Variants in MEGF8 observed in about 807,000 individuals in gnomAD.
MEGF8 encodes the protein multiple EGF like domains 8.
MEGF8 carries 156 observed loss-of-function variants against 302.9 expected under a neutral mutation model. That is an observed-to-expected ratio of 0.52 (90% confidence interval 0.45 to 0.59). The LOEUF (loss-of-function observed/expected upper bound fraction) is 0.59, where lower values mean the gene tolerates loss of function less well. Among genes scored for constraint, MEGF8 ranks in the 20% least tolerant of loss-of-function variants. MEGF8 has a pLI of 0.00. For synonymous variants in MEGF8, 1,621 were observed against 1,660.5 expected, an observed-to-expected ratio of 0.98 and a Z score of 0.58; for missense variants, 3,345 against 3,964.5, an observed-to-expected ratio of 0.84 and a Z score of 4.20.
rs142473307 is a variant in MEGF8 at position 42,353,859 on chromosome 19, C to T, written c.3846C>T (p.Val1282=). The T allele has an allele frequency of 3.6e-5, 57 of 1,603,628 alleles. No homozygotes were observed. Among genetic ancestry groups the T allele is most frequent in the Admixed American group, 3.3e-4 (19 of 58,224 alleles). The change falls in exon 22 of 42, where the codon GTC becomes GTT. Residue 1282 remains valine (V), a synonymous_variant. Transcript: ENST00000251268. This position sits in a 1 kb window ranked among gnomAD's most constrained non-coding sequence, Gnocchi z 6.1. ...CAGTGGCACTGGGCTCACGCCGGGTCGGGGGGCTGCTGCCTCCAGGTGGCG... is the reference window on the plus strand; with the variant it reads ...CAGTGGCACTGGGCTCACGCCGGGTTGGGGGGCTGCTGCCTCCAGGTGGCG... ...VSSVALGSRR[V]GGLLPPGGGA...
chr19:42,356,738 CTG>C lies in MEGF8; in HGVS notation c.4623-34_4623-33del. On this transcript the variant is annotated intron_variant, in intron 26 of 41. Coordinates refer to ENST00000251268, the MANE Select transcript of MEGF8 (RefSeq NM_001271938.2). The surrounding 1 kb of genome is among the most constrained non-coding windows in gnomAD (Gnocchi z 5.2). ...GTCACCTTGAAGGATGCTGGGATGACTGTAATGAGGCTGCTTTTTTGCACCCT... is the reference window on the plus strand; with the variant it reads ...GTCACCTTGAAGGATGCTGGGATGACTAATGAGGCTGCTTTTTTGCACCCT... The C allele has an allele frequency of 2.0e-6, 3 of 1,521,550 alleles. No homozygotes were observed. Among genetic ancestry groups the C allele is most frequent in the Non-Finnish European group, 2.7e-6 (3 of 1,129,610 alleles). The allele number at this position is 1,521,550 out of a possible 1,614,324, so 94.3% of individuals were successfully genotyped here.
intron 35 of MEGF8, among the ~76,000 whole-genome samples, chr19:42,366,735 A>G (rs1478793263): frequency 6.6e-6 from 1 of 152,192 alleles, no homozygotes; most frequent in African/African-American, 2.4e-5. Context: ...CAGGAAATGC[A>G]GTGTATGGTG....
At chr19:42,335,615 CTG>C (rs1442483705) in intron 5 of MEGF8, among the ~76,000 whole-genome samples, 1 of 152,158 alleles carries the variant, frequency 6.6e-6, no homozygotes, top group Non-Finnish European at 1.5e-5. Flanking sequence ...GTTGCTCAAT[CTG>C]TCTCTGTTTT....
In MEGF8 at chr19:42,326,133, G is replaced by A. The variant is rs1188986116; in HGVS notation, c.-111G>A. On this transcript the variant is annotated 5_prime_UTR_variant, in exon 1 of 42. Transcript: ENST00000251268. ...CTCCGGGACCTCTTCGATCTACAAG[G>A]TCATGTTATGCCTATAGAGGTCGCA... 5 of 1,371,766 alleles carry A rather than the reference G, an allele frequency of 3.6e-6. No individual in the cohort carries two copies. Among genetic ancestry groups the A allele is most frequent in the Admixed American group, 4.1e-5 (1 of 24,632 alleles). 85.0% of individuals were successfully genotyped at this position (1,371,766 alleles called of 1,614,324 possible).
At position 42,377,046 on chromosome 19, in the gene MEGF8, G is replaced by A; in HGVS notation, c.*271G>A. The A allele has an allele frequency of 2.4e-6, 1 of 420,314 alleles. No individual in the cohort carries two copies. Among genetic ancestry groups the A allele is most frequent in the Non-Finnish European group, 4.2e-6 (1 of 239,206 alleles). The allele number at this position is 420,314 out of a possible 1,614,324, so 26.0% of individuals were successfully genotyped here. A position where few individuals can be genotyped will look rare whatever the true frequency, so the allele number is the denominator to read the frequency against. ...TCATGGGACTTAGGTTCTGGTGAAG[G>A]GAGACAATCAGTGCACATGCACACA... is the stretch of plus-strand genomic sequence containing the variant. On this transcript the variant is annotated 3_prime_UTR_variant, in exon 42 of 42. Coordinates refer to ENST00000251268, the MANE Select transcript of MEGF8 (RefSeq NM_001271938.2).
rs1021116455 is a variant in MEGF8 at position 42,343,665 on chromosome 19, G to T, written c.1668+34G>T. On this transcript the variant is annotated intron_variant, in intron 9 of 41. Transcript: ENST00000251268. ...TGGGGTGACAGGGAAAGGGTGGCTG[G>T]GGGGAGGAGGTAGCAGGGTTTCCAC... The T allele has an allele frequency of 3.2e-6, 5 of 1,568,304 alleles. No homozygotes were observed. The South Asian group carries it at 3.5e-5, about 11-fold the overall frequency.
chr19:42,360,666 C>T (rs913293861), intron 31 of MEGF8, 109 bp from the exon 32 acceptor site: 2 of 1,510,644 alleles, frequency 1.3e-6, no homozygotes, highest in Non-Finnish European at 8.8e-7. Flanking sequence ...GTCCTTTGAC[C>T]CTGTGTTTCT....
chr19:42,335,154 T>C lies in MEGF8; in HGVS notation c.678T>C (p.Ser226=), dbSNP rs373385185. 1.5e-5 allele frequency: 24 copies of C among 1,613,850 alleles called. No individual in the cohort carries two copies. In the African/African-American group the frequency reaches 2.5e-4, roughly 17 times the overall value. The change falls in exon 4 of 42, where the codon TCT becomes TCC. Residue 226 remains serine (S), a synonymous_variant. Coordinates refer to ENST00000251268, the MANE Select transcript of MEGF8 (RefSeq NM_001271938.2). ...HNVSARDPAF[S]ARIGAAGAFL... ...TGAGTGCCAGGGACCCTGCCTTCTC[T>C]GCCCGTATTGGGGCAGCTGGCGCCT...
In MEGF8 at chr19:42,352,113, T is replaced by A; in HGVS notation, c.3102-95T>A. ...TTCCAAATTTGTATTTGCATCCCTC[T>A]CCTTCCAATTGGCCTCCTCTCTCCC... On this transcript the variant is annotated intron_variant, in intron 18 of 41. Coordinates refer to ENST00000251268, the MANE Select transcript of MEGF8 (RefSeq NM_001271938.2). The surrounding 1 kb of genome is among the most constrained non-coding windows in gnomAD (Gnocchi z 4.4). 7.2e-7 allele frequency: 1 copy of A among 1,393,464 alleles called. No homozygotes were observed. Among genetic ancestry groups the A allele is most frequent in the Non-Finnish European group, 9.5e-7 (1 of 1,050,400 alleles). The allele number at this position is 1,393,464 out of a possible 1,614,324, so 86.3% of individuals were successfully genotyped here. A position where few individuals can be genotyped will look rare whatever the true frequency, so the allele number is the denominator to read the frequency against.
chr19:42,367,219 C>T (rs1043378600), intron 35 of MEGF8, among the ~76,000 whole-genome samples: 1 of 152,090 alleles, frequency 6.6e-6, no homozygotes, highest in African/African-American at 2.4e-5. Context: ...TTCAGGTTCT[C>T]AGTGTGGGGT....
At chr19:42,335,409 G>A in intron 5 of MEGF8, 24 bp downstream of exon 5, 1 of 1,610,914 alleles carries the variant, frequency 6.2e-7, no homozygotes, top group South Asian at 1.1e-5. Context: ...CTCTGCCCTG[G>A]AGGAGCCTTT....
chr19:42,343,588 C>T lies in MEGF8; in HGVS notation c.1625C>T (p.Ala542Val), dbSNP rs759983093. The part of the protein sequence containing the change: ...YSGRPRGDLM[A>V]YKVPPFVFQA... ...GGCCGGCCCCGTGGGGACTTGATGG[C>T]GTACAAGGTGCCCCCCTTTGTGTTC... Residue 542 changes from alanine to valine, a missense_variant, in exon 9 of 42, where the codon GCG (alanine) becomes GTG (valine). Physicochemically the swap from Ala to Val is moderately conservative, Grantham distance 64. Coordinates refer to ENST00000251268, the MANE Select transcript of MEGF8 (RefSeq NM_001271938.2). 2.0e-5 allele frequency: 32 copies of T among 1,612,336 alleles called. No individual in the cohort carries two copies. Among genetic ancestry groups the T allele is most frequent in the Non-Finnish European group, 2.4e-5 (28 of 1,179,386 alleles).
intron 1 of MEGF8, among the ~76,000 whole-genome samples, chr19:42,326,788 G>C (rs931827106): frequency 6.7e-6 from 1 of 148,812 alleles, no homozygotes; most frequent in Admixed American, 6.7e-5. Context: ...TGTCACCCAG[G>C]CTGGAGTGCA....
At chr19:42,348,945 A>G (rs1193091174) in intron 13 of MEGF8, among the ~76,000 whole-genome samples, 7 of 152,264 alleles carry the variant, frequency 4.6e-5, no homozygotes, top group Middle Eastern at 3.4e-3. Flanking sequence ...GAGGTTTTCA[A>G]TTGTGAGCAG....
rs2038975716 is a variant in MEGF8, at chr19:42,325,743, C to T, written c.-501C>T. 6.5e-6 allele frequency: 1 copy of T among 154,436 alleles called. No homozygotes were observed. Among genetic ancestry groups the T allele is most frequent in the Non-Finnish European group, 1.4e-5 (1 of 69,620 alleles). 9.6% of individuals were successfully genotyped at this position (154,436 alleles called of 1,614,324 possible). ...AACCCCTGAAGACGGGCTCCGCCCC[C>T]GGCACCCGCTCGCGCCCCGCCCCCG... On this transcript the variant is annotated 5_prime_UTR_variant, in exon 1 of 42. Transcript: ENST00000251268.
At chr19:42,371,207 G>C in intron 40 of MEGF8, 143 bp from the exon 41 acceptor site, 3 of 1,115,080 alleles carry the variant, frequency 2.7e-6, no homozygotes, top group Non-Finnish European at 3.8e-6. Context: ...TAACTGCTTT[G>C]TGGCCTTGGG....
chr19:42,376,155 C>T lies in MEGF8; in HGVS notation c.7918C>T (p.Arg2640Trp), dbSNP rs1269660319. 9 of 1,610,448 alleles carry T rather than the reference C, an allele frequency of 5.6e-6. No individual in the cohort carries two copies. The highest frequency in any genetic ancestry group is 4.5e-5 in the East Asian group (2 of 44,856). ...CGACTCGCAGGGCCTGCTCTTCTTC[C>T]GGCAGGACCAGGCCCACATTGACCT... ...SADSQGLLFF[R>W]QDQAHIDLFV... Residue 2640 changes from arginine to tryptophan, a missense_variant, in exon 42 of 42, where the codon CGG becomes TGG. Transcript: ENST00000251268. The surrounding 1 kb of genome is among the most constrained non-coding windows in gnomAD (Gnocchi z 8.2).
intron 38 of MEGF8, 23 bp from the exon 39 acceptor site, chr19:42,370,166 A>G: frequency 6.3e-7 from 1 of 1,597,562 alleles, no homozygotes; most frequent in Non-Finnish European, 8.5e-7. Flanking sequence ...AGCCTCTCTA[A>G]CTACCCTGTC....
Position 42,326,232 on chromosome 19 carries a change from C to A in MEGF8, c.-12C>A. 2.6e-6 allele frequency: 4 copies of A among 1,521,576 alleles called. No homozygotes were observed. Among genetic ancestry groups the A allele is most frequent in the Non-Finnish European group, 3.5e-6 (4 of 1,144,998 alleles). The allele number at this position is 1,521,576 out of a possible 1,614,324, so 94.3% of individuals were successfully genotyped here. Reference sequence around the variant, plus strand: ...CCTGTCCCCGCTCTAAGGGTCAGTGCAGGAGGCGGCGATGGCCCTGGGCAA... The same window carrying A: ...CCTGTCCCCGCTCTAAGGGTCAGTGAAGGAGGCGGCGATGGCCCTGGGCAA... On this transcript the variant is annotated 5_prime_UTR_variant, in exon 1 of 42. Transcript: ENST00000251268.
Sources: allele counts gnomAD v4.1 joint callset (sites outside exome capture counted in the v4.1 genomes callset), GRCh38; gene constraint gnomAD v4.1.1; non-coding constraint Gnocchi (gnomAD v3.1); transcripts MANE v1.5; gene names NCBI Gene and HGNC (gene_info 2026-07-23, HGNC 2026-07-21).